Variants in CSMD1 observed in about 807,000 individuals in gnomAD.
CSMD1 encodes the protein CUB and Sushi multiple domains 1.
In CSMD1, 213 loss-of-function variants were observed where a neutral mutation model predicts 417.5. That is an observed-to-expected ratio of 0.51 (90% CI 0.46 to 0.57). The LOEUF (loss-of-function observed/expected upper bound fraction) is 0.57, where lower values mean the gene tolerates loss of function less well. Ranked by LOEUF, CSMD1 falls within the 20% of genes least tolerant of loss-of-function variation. CSMD1 has a pLI of 0.00. For synonymous variants in CSMD1, 2,862 were observed against 1,736.8 expected (o/e 1.65, Z -16.11); for missense variants, 6,923 against 4,529.7 (o/e 1.53, Z -15.17).
intron 10 of CSMD1, among the ~76,000 whole-genome samples, chr8:3,503,645 G>A (rs1796699423): frequency 6.6e-6 from 1 of 152,176 alleles, no homozygotes; most frequent in Non-Finnish European, 1.5e-5. Context: ...TCTTTGTGCT[G>A]CCCTGCTACA....
At chr8:3,244,554 G>C (rs1418884440) in intron 26 of CSMD1, among the ~76,000 whole-genome samples, 1 of 152,164 alleles carries the variant, frequency 6.6e-6, no homozygotes, top group Non-Finnish European at 1.5e-5. Flanking sequence ...CTCTAACCTA[G>C]GTCGCTGCAG....
At chr8:4,472,263 A>C (rs1217908212) in intron 2 of CSMD1, among the ~76,000 whole-genome samples, 1 of 152,184 alleles carries the variant, frequency 6.6e-6, no homozygotes, top group Non-Finnish European at 1.5e-5. Context: ...ACAGCCTCAG[A>C]TGCAGTCTCT....
intron 30 of CSMD1, among the ~76,000 whole-genome samples, chr8:3,209,239 C>G (rs1185896927): frequency 6.6e-6 from 1 of 152,064 alleles, no homozygotes; most frequent in Non-Finnish European, 1.5e-5. Flanking sequence ...CATACATGAA[C>G]AACATTTGTG....
intron 1 of CSMD1, among the ~76,000 whole-genome samples, chr8:4,652,119 G>A (rs1803935393): frequency 1.3e-5 from 2 of 152,058 alleles, no homozygotes; most frequent in Admixed American, 1.3e-4. Context: ...TAATAATAAA[G>A]GAGATTAGGA....
At chr8:4,277,543 G>C (rs1255706536) in intron 3 of CSMD1, among the ~76,000 whole-genome samples, 1 of 152,010 alleles carries the variant, frequency 6.6e-6, no homozygotes, top group Admixed American at 6.6e-5. Flanking sequence ...GAGTTTTCTT[G>C]AAATTATAGA....
intron 2 of CSMD1, among the ~76,000 whole-genome samples, chr8:4,449,468 A>C (rs1484985440): frequency 1.3e-5 from 2 of 152,186 alleles, no homozygotes; most frequent in African/African-American, 4.8e-5. Flanking sequence ...TCAGTTATTA[A>C]AACCATCATC....
chr8:4,312,376 AATAT>A (rs535230667), intron 3 of CSMD1, among the ~76,000 whole-genome samples: 2 of 63,138 alleles, frequency 3.2e-5, no homozygotes, highest in South Asian at 5.2e-4. Context: ...TAATGGAACA[AATAT>A]ATATATATAT....
At chr8:3,127,779 A>T (rs1817584224) in intron 41 of CSMD1, 1 of 151,970 alleles carries the variant, frequency 6.6e-6, no homozygotes, top group Non-Finnish European at 1.5e-5. Flanking sequence ...TTCCCAAAAA[A>T]GTTTATGCAT....
At chr8:4,957,754 C>T (rs1809215012) in intron 1 of CSMD1, among the ~76,000 whole-genome samples, 1 of 152,148 alleles carries the variant, frequency 6.6e-6, no homozygotes, top group Non-Finnish European at 1.5e-5. Flanking sequence ...TATAAGGACT[C>T]ACCATGCTTA....
In CSMD1 at chr8:3,493,740, A is replaced by G. The variant is rs771611223; in HGVS notation, c.1345-14T>C. On this transcript the variant is annotated splice_polypyrimidine_tract_variant and intron_variant, in intron 10 of 69. Coordinates refer to ENST00000635120, the MANE Select transcript of CSMD1 (RefSeq NM_033225.6). Reference sequence around the variant, plus strand: ...AAGCTTGATGACCTAAATACAAGGTACGAAACAGTGACTTAGAACAACAGG... The same window carrying G: ...AAGCTTGATGACCTAAATACAAGGTGCGAAACAGTGACTTAGAACAACAGG... The G allele has an allele frequency of 1.8e-5, 28 of 1,598,400 alleles. No homozygotes were observed. The highest frequency in any genetic ancestry group is 2.4e-5 in the Non-Finnish European group (28 of 1,170,822).
intron 12 of CSMD1, among the ~76,000 whole-genome samples, chr8:3,427,006 G>T (rs1365499756): frequency 6.6e-6 from 1 of 152,148 alleles, no homozygotes; most frequent in Non-Finnish European, 1.5e-5. Context: ...GAGGAATGCA[G>T]GGGGAATTAC....
intron 37 of CSMD1, among the ~76,000 whole-genome samples, chr8:3,165,912 G>C (rs1420396532): frequency 2.6e-5 from 4 of 152,120 alleles, no homozygotes; most frequent in African/African-American, 9.7e-5. Context: ...CCAGAAAGGA[G>C]GTGGGGGAAT....
At chr8:3,943,214 G>A (rs188004890) in intron 5 of CSMD1, among the ~76,000 whole-genome samples, 4 of 152,024 alleles carry the variant, frequency 2.6e-5, no homozygotes, top group Admixed American at 1.3e-4. Flanking sequence ...TTTATCAACT[G>A]TTTTGATTTA....
intron 56 of CSMD1, 30 bp from the exon 57 acceptor site, chr8:2,973,329 A>T (rs775518854): frequency 6.2e-7 from 1 of 1,603,100 alleles, no homozygotes; most frequent in African/African-American, 1.3e-5. Flanking sequence ...ACGGCAATCC[A>T]CAATTGTGTT....
At chr8:3,565,522 T>C (rs532314920) in intron 10 of CSMD1, among the ~76,000 whole-genome samples, 22 of 152,288 alleles carry the variant, frequency 1.4e-4, no homozygotes, top group African/African-American at 5.1e-4. Flanking sequence ...TAAACCAATA[T>C]ATACAACATA....
intron 18 of CSMD1, among the ~76,000 whole-genome samples, chr8:3,383,685 CTA>C (rs1311440224): frequency 4.2e-5 from 4 of 96,270 alleles, no homozygotes; most frequent in Non-Finnish European, 9.1e-5. Context: ...GGAACTGTAT[CTA>C]AATATTTACA....
chr8:4,036,311 T>C (rs1797614201), intron 3 of CSMD1, among the ~76,000 whole-genome samples: 1 of 150,232 alleles, frequency 6.7e-6, no homozygotes. Context: ...CACTTTATCA[T>C]CTACAGTATA....
chr8:4,668,226 T>A (rs180925187), intron 1 of CSMD1, among the ~76,000 whole-genome samples: 2 of 151,976 alleles, frequency 1.3e-5, no homozygotes, highest in African/African-American at 4.8e-5. Flanking sequence ...ACTTTGATAA[T>A]GGGGCATTCC....
intron 3 of CSMD1, among the ~76,000 whole-genome samples, chr8:4,214,327 T>C (rs775924187): frequency 6.6e-6 from 1 of 152,218 alleles, no homozygotes; most frequent in Admixed American, 6.5e-5. Context: ...AGAAAAGGTC[T>C]CACTCTGTCA....
Sources: allele counts gnomAD v4.1 joint callset (sites outside exome capture counted in the v4.1 genomes callset), GRCh38; gene constraint gnomAD v4.1.1; transcripts MANE v1.5; gene names NCBI Gene and HGNC (gene_info 2026-07-23, HGNC 2026-07-21).